AGO4: variants seen among roughly 807,000 people sequenced by gnomAD.
The protein encoded by AGO4 is protein argonaute-4.
AGO4 carries 33 observed loss-of-function variants against 104.7 expected under a neutral mutation model. The ratio of observed to expected loss-of-function variants is 0.32; its 90% CI spans 0.24 to 0.42. The LOEUF is 0.42. Among genes scored for constraint, AGO4 ranks in the 10% least tolerant of loss-of-function variants. AGO4 has a pLI of 1.00. For missense variants in AGO4, 711 were observed against 1,083.4 expected (o/e 0.66, Z 4.83); for synonymous variants, 331 against 364.7 (o/e 0.91, Z 1.05).
chr1:35,826,896 A>G (rs1644034818), intron 7 of AGO4, 61 bp downstream of exon 7: 9 of 1,556,448 alleles, frequency 5.8e-6, no homozygotes, highest in African/African-American at 1.4e-5. Context: ...GAGCTACTAT[A>G]ATTGTTTTAA....
At chr1:35,815,460 A>C (rs765706448) in intron 1 of AGO4, among the ~76,000 whole-genome samples, 3 of 152,116 alleles carry the variant, frequency 2.0e-5, no homozygotes, top group Non-Finnish European at 2.9e-5. Context: ...TCTTAGAGAG[A>C]GAGAGAGAGT....
chr1:35,814,620 C>G (rs1482200755), intron 1 of AGO4, among the ~76,000 whole-genome samples: 1 of 152,180 alleles, frequency 6.6e-6, no homozygotes, highest in East Asian at 1.9e-4. Flanking sequence ...CTTATACTTG[C>G]TCTATGGGTT....
chr1:35,841,923 A>G lies in AGO4; in HGVS notation c.2175+173A>G, dbSNP rs1251981344. On this transcript the variant is annotated intron_variant, in intron 15 of 17. Coordinates refer to ENST00000373210, the MANE Select transcript of AGO4 (RefSeq NM_017629.4). This position sits in a 1 kb window ranked among gnomAD's most constrained non-coding sequence, Gnocchi z 4.7. Reference sequence around the variant, plus strand: ...AGTTGGGTTTAGATGACCAATTCTGAATGATACGAGTTTTGAGACTGAATA... The same window carrying G: ...AGTTGGGTTTAGATGACCAATTCTGGATGATACGAGTTTTGAGACTGAATA... Among the ~76,000 whole-genome samples, 3 of 151,544 alleles carry G rather than the reference A, an allele frequency of 2.0e-5. No homozygotes were observed. Among genetic ancestry groups the G allele is most frequent in the Non-Finnish European group, 4.4e-5 (3 of 67,932 alleles).
At chr1:35,825,890 T>C (rs1571274035) in intron 5 of AGO4, 36 bp from the exon 6 acceptor site, 1 of 1,608,310 alleles carries the variant, frequency 6.2e-7, no homozygotes. Flanking sequence ...GCCCTTCCCT[T>C]TTCCCTGAAG....
rs1644001827 is a variant in AGO4, at chr1:35,825,670, T to C, written c.489-9T>C. 3 of 1,535,720 alleles carry C rather than the reference T, an allele frequency of 2.0e-6. No individual in the cohort carries two copies. Among genetic ancestry groups the C allele is most frequent in the Non-Finnish European group, 2.6e-6 (3 of 1,145,644 alleles). Reference sequence around the variant, plus strand: ...TTAATGTGACACATGCAAACTCTTATTTCTTCAGGTACACCCCAGTGGGCC... The same window carrying C: ...TTAATGTGACACATGCAAACTCTTACTTCTTCAGGTACACCCCAGTGGGCC... On this transcript the variant is annotated splice_polypyrimidine_tract_variant and intron_variant, in intron 4 of 17. Transcript: ENST00000373210.
At chr1:35,844,398 G>A (rs1644517745) in intron 15 of AGO4, among the ~76,000 whole-genome samples, 2 of 152,252 alleles carry the variant, frequency 1.3e-5, no homozygotes, top group South Asian at 2.1e-4. Context: ...GCAAATCTCA[G>A]CCAGGCCTTG....
intron 1 of AGO4, among the ~76,000 whole-genome samples, chr1:35,815,148 G>T (rs1056087862): frequency 6.6e-6 from 1 of 152,142 alleles, no homozygotes; most frequent in Non-Finnish European, 1.5e-5. Flanking sequence ...GAAGTGCTGG[G>T]ATTACAGGTG....
intron 2 of AGO4, among the ~76,000 whole-genome samples, chr1:35,822,591 G>T (rs1228447439): frequency 6.6e-6 from 1 of 152,124 alleles, no homozygotes; most frequent in Admixed American, 6.5e-5. Context: ...CACAGGAGAG[G>T]ATTTTGGAAA....
At chr1:35,844,532 C>G (rs892462234) in intron 15 of AGO4, among the ~76,000 whole-genome samples, 2 of 152,126 alleles carry the variant, frequency 1.3e-5, no homozygotes, top group African/African-American at 4.8e-5. Context: ...TCGTCTATTT[C>G]CCTCCAAAAA....
chr1:35,815,453 TAGAG>T (rs748381070), intron 1 of AGO4, among the ~76,000 whole-genome samples: 40 of 151,492 alleles, frequency 2.6e-4, no homozygotes, highest in East Asian at 1.5e-3. Flanking sequence ...GTTCAAATCT[TAGAG>T]AGAGAGAGAG....
At position 35,825,302 on chromosome 1, in the gene AGO4, T is replaced by C. The variant is rs754296290; in HGVS notation, c.307-11T>C. 6.2e-7 allele frequency: 1 copy of C among 1,610,294 alleles called. No individual in the cohort carries two copies. The highest frequency in any genetic ancestry group is 1.3e-5 in the African/African-American group (1 of 74,742). ...ACATTTGTGTTTGTATTCATGTATT[T>C]TTTTCCTTAGGTTGATATGGAGGTG... On this transcript the variant is annotated splice_polypyrimidine_tract_variant and intron_variant, in intron 3 of 17. Coordinates refer to ENST00000373210, the MANE Select transcript of AGO4 (RefSeq NM_017629.4).
Position 35,831,853 on chromosome 1 carries a change from CACAG to C in AGO4, c.1042_1045del (p.Asp348IlefsTer6). The C allele has an allele frequency of 6.2e-7, 1 of 1,614,102 alleles. No homozygotes were observed. Among genetic ancestry groups the C allele is most frequent in the African/African-American group, 1.3e-5 (1 of 75,038 alleles). On this transcript the variant is annotated frameshift_variant, in exon 9 of 18. Transcript: ENST00000373210. LOFTEE classifies it high-confidence loss of function. The stretch of plus-strand genomic sequence containing the variant: ...CAGGACAGCGATGTATCAAGAAGCT[CACAG>C]ACAATCAGACTTCCACAATGATCAA...
chr1:35,850,391 G>T lies in AGO4; in HGVS notation c.2277+133G>T, dbSNP rs537876040. The T allele has an allele frequency of 2.2e-4, 171 of 767,892 alleles. No homozygotes were observed. In the Admixed American group the frequency reaches 3.3e-3, roughly 15 times the overall value. The allele number at this position is 767,892 out of a possible 1,614,324, so 47.6% of individuals were successfully genotyped here. A position where few individuals can be genotyped will look rare whatever the true frequency, so the allele number is the denominator to read the frequency against. Reference sequence around the variant, plus strand: ...TGCTTGTATCCTAGAATTATCTTTTGGTCTAGGTATCTGCTTGTAGGTGTG... The same window carrying T: ...TGCTTGTATCCTAGAATTATCTTTTTGTCTAGGTATCTGCTTGTAGGTGTG... On this transcript the variant is annotated intron_variant, in intron 16 of 17. Coordinates refer to ENST00000373210, the MANE Select transcript of AGO4 (RefSeq NM_017629.4).
chr1:35,823,079 A>C, intron 3 of AGO4, 97 bp downstream of exon 3: 1 of 1,410,928 alleles, frequency 7.1e-7, no homozygotes. Context: ...AAAAACATAA[A>C]TGTTTGAGGT....
intron 7 of AGO4, among the ~76,000 whole-genome samples, chr1:35,830,013 G>A: frequency 6.6e-6 from 1 of 151,224 alleles, no homozygotes; most frequent in Non-Finnish European, 1.5e-5. Context: ...AAAAAAATTA[G>A]CCAGGCATTT....
intron 11 of AGO4, among the ~76,000 whole-genome samples, chr1:35,833,450 C>G (rs1260511640): frequency 6.6e-6 from 1 of 152,088 alleles, no homozygotes; most frequent in African/African-American, 2.4e-5. Context: ...TTTAAAACTT[C>G]AAAGTGAATT....
At chr1:35,839,426 T>C (rs968378875) in intron 13 of AGO4, among the ~76,000 whole-genome samples, 1 of 152,196 alleles carries the variant, frequency 6.6e-6, no homozygotes, top group African/African-American at 2.4e-5. Context: ...GCGTTAAACT[T>C]CTTTGGTTTG....
intron 17 of AGO4, among the ~76,000 whole-genome samples, chr1:35,853,206 G>A (rs1419340543): frequency 6.8e-6 from 1 of 148,116 alleles, no homozygotes; most frequent in African/African-American, 2.5e-5. Context: ...AGCCGAGATT[G>A]CGCCACTGAA....
chr1:35,855,892 A>G lies in AGO4; in HGVS notation c.*2287A>G, dbSNP rs1644806750. On this transcript the variant is annotated 3_prime_UTR_variant, in exon 18 of 18. Coordinates refer to ENST00000373210, the MANE Select transcript of AGO4 (RefSeq NM_017629.4). Reference sequence around the variant, plus strand: ...ACTCTTGGTGACTGGCTGGCTGGCCAGCGGGCACCACACCTGCACTTGAGT... The same window carrying G: ...ACTCTTGGTGACTGGCTGGCTGGCCGGCGGGCACCACACCTGCACTTGAGT... 1 of 152,246 alleles carries G rather than the reference A, an allele frequency of 6.6e-6. No homozygotes were observed. Among genetic ancestry groups the G allele is most frequent in the Non-Finnish European group, 1.5e-5 (1 of 68,058 alleles). The allele number at this position is 152,246 out of a possible 1,614,324, so 9.4% of individuals were successfully genotyped here.
Sources: allele counts gnomAD v4.1 joint callset (sites outside exome capture counted in the v4.1 genomes callset), GRCh38; gene constraint gnomAD v4.1.1; non-coding constraint Gnocchi (gnomAD v3.1); transcripts MANE v1.5; gene names NCBI Gene and HGNC (gene_info 2026-07-23, HGNC 2026-07-21).